The following DMD variants were observed in gnomAD, a reference collection of about 807,000 sequenced individuals.
DMD encodes mutant dystrophin.
In DMD, 63 loss-of-function variants were observed where a neutral mutation model predicts 330.1. That is an observed-to-expected ratio of 0.19 (90% CI 0.16 to 0.24). DMD has a LOEUF of 0.24. Among genes scored for constraint, DMD ranks in the 10% least tolerant of loss-of-function variants. DMD has a pLI of 1.00. For missense variants in DMD, 3,344 were observed against 2,684.1 expected (o/e 1.25, Z -5.43); for synonymous variants, 1,223 against 959.8 (o/e 1.27, Z -5.07).
At chrX:33,077,526 C>T (rs1163179895) in intron 1 of DMD, among the ~76,000 whole-genome samples, 1 of 111,307 alleles carries the variant, frequency 9.0e-6, no homozygotes, top group African/African-American at 3.3e-5. Context: ...GGGGAAGTAG[C>T]GGGAATGGGA....
At chrX:32,612,516 T>A (rs760258410) in intron 12 of DMD, among the ~76,000 whole-genome samples, 8 of 111,637 alleles carry the variant, frequency 7.2e-5, no homozygotes, top group Non-Finnish European at 1.1e-4. Context: ...CCAAGACAAT[T>A]CTTCCAATGT....
chrX:32,153,861 G>A (rs1196648445), intron 44 of DMD, among the ~76,000 whole-genome samples: 1 of 112,159 alleles, frequency 8.9e-6, no homozygotes, highest in African/African-American at 3.2e-5. Flanking sequence ...AAGCCCTCAC[G>A]CTGCCTCCAT....
At chrX:31,214,298 A>G (rs1366034548) in intron 64 of DMD, among the ~76,000 whole-genome samples, 1 of 112,059 alleles carries the variant, frequency 8.9e-6, no homozygotes, top group Non-Finnish European at 1.9e-5. Context: ...GGCTACAATT[A>G]AGAGTTTCAA....
At chrX:31,308,155 C>T (rs1200753762) in intron 62 of DMD, among the ~76,000 whole-genome samples, 1 of 111,892 alleles carries the variant, frequency 8.9e-6, no homozygotes, top group African/African-American at 3.2e-5. Context: ...AGTCCATGGT[C>T]CAGAGGTTAG....
intron 44 of DMD, among the ~76,000 whole-genome samples, chrX:32,165,374 G>A (rs1444471918): frequency 1.8e-5 from 2 of 112,761 alleles, no homozygotes; most frequent in African/African-American, 3.2e-5. Context: ...GGAGTCAAAG[G>A]AGACAACTTC....
intron 1 of DMD, among the ~76,000 whole-genome samples, chrX:33,028,354 TATATTAAGAGA>T (rs1308644323): frequency 1.8e-5 from 2 of 112,105 alleles, no homozygotes; most frequent in Non-Finnish European, 3.8e-5. Context: ...GTTACAATCA[TATATTAAGAGA>T]ACTAACTTGA....
At chrX:31,816,692 G>A (rs2092633745) in intron 50 of DMD, among the ~76,000 whole-genome samples, 1 of 107,954 alleles carries the variant, frequency 9.3e-6, no homozygotes, top group Non-Finnish European at 1.9e-5. Flanking sequence ...CAGCTACTTG[G>A]GAGGCTGAGG....
intron 59 of DMD, 135 bp from the exon 60 acceptor site, chrX:31,444,762 C>G (rs888538655): frequency 1.4e-6 from 1 of 695,217 alleles, no homozygotes; most frequent in Non-Finnish European, 2.2e-6. Context: ...GTTTGTGTCC[C>G]CCCTCAAATT....
rs950935071 is a variant in DMD at position 32,431,113 on chromosome X, T to A, written c.4071+7128A>T. 1.9e-3 allele frequency among the ~76,000 whole-genome samples: 214 copies of A among 111,302 alleles called. 1 individual carries two copies. The highest frequency in any genetic ancestry group is 1.4e-3 in the Non-Finnish European group (74 of 52,958). On this transcript the variant is annotated intron_variant, in intron 29 of 78. Transcript: ENST00000357033. ...TTGCTGGATCATATAGTAATTCTAT[T>A]TTTAATTTTTTTTTTGAGGAATCTC...
At chrX:33,249,089 T>C (rs2052720887) in intron 1 of DMD, among the ~76,000 whole-genome samples, 1 of 112,730 alleles carries the variant, frequency 8.9e-6, no homozygotes, top group Non-Finnish European at 1.9e-5. Flanking sequence ...TGTATGAAAA[T>C]AAGTAACTTT....
intron 51 of DMD, among the ~76,000 whole-genome samples, chrX:31,746,918 A>G (rs2087893016): frequency 1.8e-5 from 2 of 111,360 alleles, no homozygotes; most frequent in Admixed American, 9.6e-5. Flanking sequence ...TAAGGGGAAA[A>G]AGTGCTTAAC....
At chrX:31,750,923 G>A (rs1332546034) in intron 51 of DMD, among the ~76,000 whole-genome samples, 1 of 106,162 alleles carries the variant, frequency 9.4e-6, no homozygotes, top group African/African-American at 3.4e-5. Context: ...AAAATACCTA[G>A]GAATCCAACT....
At chrX:32,786,203 T>A (rs1263384681) in intron 7 of DMD, among the ~76,000 whole-genome samples, 3 of 109,907 alleles carry the variant, frequency 2.7e-5, no homozygotes, top group Non-Finnish European at 5.7e-5. Flanking sequence ...ACAGAAAAAC[T>A]TAGATATTAA....
intron 44 of DMD, among the ~76,000 whole-genome samples, chrX:32,056,779 G>T (rs2096179121): frequency 9.0e-6 from 1 of 111,117 alleles, no homozygotes; most frequent in African/African-American, 3.3e-5. Flanking sequence ...TCTACAAGGG[G>T]CATCAGTATC....
intron 17 of DMD, among the ~76,000 whole-genome samples, chrX:32,536,811 T>C (rs1044272971): frequency 9.0e-6 from 1 of 111,510 alleles, no homozygotes; most frequent in African/African-American, 3.3e-5. Flanking sequence ...GGTAGGCAGC[T>C]AAAGATCACA....
intron 44 of DMD, among the ~76,000 whole-genome samples, chrX:31,975,416 A>C (rs1416187368): frequency 8.9e-6 from 1 of 111,977 alleles, no homozygotes; most frequent in Non-Finnish European, 1.9e-5. Context: ...CTTCTAACTC[A>C]TTCATGAGAA....
chrX:31,457,531 C>A (rs1476149980), intron 59 of DMD, among the ~76,000 whole-genome samples: 3 of 111,202 alleles, frequency 2.7e-5, no homozygotes, highest in Non-Finnish European at 3.8e-5. Context: ...AAATTCCAAG[C>A]CAAAATATAT....
Position 32,626,404 on chromosome X carries a change from G to T in DMD, c.1332-11951C>A, listed in dbSNP as rs146944082. ...AATCACTTGAACCCGGGGGGACAGA[G>T]GTTGCAGTGAGCTGAGATCACACCA... On this transcript the variant is annotated intron_variant, in intron 11 of 78. Transcript: ENST00000357033. Among the ~76,000 whole-genome samples the T allele has an allele frequency of 6.7e-3, 659 of 98,421 alleles. 15 individuals are homozygous for T. Among genetic ancestry groups the T allele is most frequent in the Middle Eastern group, 0.024 (5 of 209 alleles). The allele number at this position is 98,421 out of a possible 115,157, so 85.5% of individuals were successfully genotyped here.
intron 78 of DMD, among the ~76,000 whole-genome samples, chrX:31,122,532 T>TTCTC (rs1483878893): frequency 9.0e-6 from 1 of 111,343 alleles, no homozygotes; most frequent in African/African-American, 3.3e-5. Flanking sequence ...GGTGGCTATT[T>TTCTC]TCTCTCTGCT....
Sources: allele counts gnomAD v4.1 joint callset (sites outside exome capture counted in the v4.1 genomes callset), GRCh38; gene constraint gnomAD v4.1.1; transcripts MANE v1.5; gene names NCBI Gene and HGNC (gene_info 2026-07-23, HGNC 2026-07-21).